Variants in SETBP1 observed in about 807,000 individuals in gnomAD.
SETBP1 encodes the protein SET-binding protein.
In SETBP1, 9 loss-of-function variants were observed where a neutral mutation model predicts 101.0. The observed-to-expected ratio is 0.09, with a 90% CI of 0.05 to 0.16. SETBP1 has a LOEUF of 0.16. Among genes scored for constraint, SETBP1 ranks in the 10% least tolerant of loss-of-function variants. SETBP1 has a pLI of 1.00. For missense variants in SETBP1, 1,858 were observed against 2,033.8 expected (o/e 0.91, Z 1.66); for synonymous variants, 818 against 788.5 (o/e 1.04, Z -0.63).
intron 3 of SETBP1, among the ~76,000 whole-genome samples, chr18:44,875,049 G>T (rs1406598308): frequency 6.6e-6 from 1 of 152,190 alleles, no homozygotes; most frequent in Non-Finnish European, 1.5e-5. Context: ...GAAATGGAAG[G>T]CAACTGGGGG....
chr18:44,851,090 T>G (rs545555247), intron 2 of SETBP1, among the ~76,000 whole-genome samples: 1 of 152,216 alleles, frequency 6.6e-6, no homozygotes. Flanking sequence ...GTCTGGCTGA[T>G]GAAGCGGGGC....
intron 2 of SETBP1, among the ~76,000 whole-genome samples, chr18:44,826,655 G>A (rs1348400669): frequency 6.6e-6 from 1 of 152,142 alleles, no homozygotes. Flanking sequence ...TGTTGTCGTT[G>A]TTGAAGGGAG....
intron 2 of SETBP1, among the ~76,000 whole-genome samples, chr18:44,730,851 A>G (rs2144396129): frequency 6.6e-6 from 1 of 152,310 alleles, no homozygotes; most frequent in East Asian, 1.9e-4. Context: ...TGTGTAACAA[A>G]CTACCCCAAA....
rs184620670 is a variant in SETBP1 at position 44,897,909 on chromosome 18, C to G, written c.540+28626C>G. ...CTTCTGGGAGTGTTGAGTTGGTAAA[C>G]CTTGGTTACTGAAGTATTGAGACTT... On this transcript the variant is annotated intron_variant, in intron 3 of 5. Transcript: ENST00000649279. Among the ~76,000 whole-genome samples, 48 of 152,192 alleles carry G rather than the reference C, an allele frequency of 3.2e-4. No individual in the cohort carries two copies. In the East Asian group the frequency reaches 8.7e-3, roughly 28 times the overall value.
intron 5 of SETBP1, among the ~76,000 whole-genome samples, chr18:45,051,572 C>G (rs890692092): frequency 2.6e-5 from 4 of 152,068 alleles, no homozygotes; most frequent in African/African-American, 9.7e-5. Context: ...TCTAAAACTG[C>G]TCTAAAAAAG....
At chr18:44,885,480 T>C (rs2069620860) in intron 3 of SETBP1, among the ~76,000 whole-genome samples, 1 of 152,122 alleles carries the variant, frequency 6.6e-6, no homozygotes, top group Non-Finnish European at 1.5e-5. Flanking sequence ...GGAAGCACAC[T>C]GTACCGCAAT....
chr18:44,903,251 G>A (rs2070095417), intron 3 of SETBP1, among the ~76,000 whole-genome samples: 1 of 152,068 alleles, frequency 6.6e-6, no homozygotes, highest in South Asian at 2.1e-4. Flanking sequence ...ATAAAATAAA[G>A]CTCTTTTTCC....
chr18:44,941,636 T>A (rs2071090465), intron 3 of SETBP1, among the ~76,000 whole-genome samples: 1 of 152,124 alleles, frequency 6.6e-6, no homozygotes, highest in Non-Finnish European at 1.5e-5. Flanking sequence ...TTTCCATTAT[T>A]ATAATTAATT....
At chr18:44,818,729 T>G (rs1319537570) in intron 2 of SETBP1, among the ~76,000 whole-genome samples, 1 of 145,070 alleles carries the variant, frequency 6.9e-6, no homozygotes, top group Non-Finnish European at 1.5e-5. Context: ...TTTCTTTTTA[T>G]GAAAAGAAAA....
At chr18:44,723,935 GCTGC>G (rs1207891547) in intron 2 of SETBP1, among the ~76,000 whole-genome samples, 2 of 152,204 alleles carry the variant, frequency 1.3e-5, no homozygotes, top group East Asian at 3.8e-4. Flanking sequence ...CCTGCATAAT[GCTGC>G]CTGGGACCTG....
At chr18:45,042,146 CTTT>C (rs556269689) in intron 5 of SETBP1, among the ~76,000 whole-genome samples, 117 of 82,688 alleles carry the variant, frequency 1.4e-3, no homozygotes, top group South Asian at 2.4e-3. Context: ...CTTGAAACTG[CTTT>C]TTTTTTTTTT....
chr18:44,736,972 C>CT (rs1294245385), intron 2 of SETBP1, among the ~76,000 whole-genome samples: 1 of 152,228 alleles, frequency 6.6e-6, no homozygotes, highest in Non-Finnish European at 1.5e-5. Context: ...TTCTTTCAGT[C>CT]TTTTTTCCTC....
intron 4 of SETBP1, among the ~76,000 whole-genome samples, chr18:45,007,013 T>C (rs1278372263): frequency 6.6e-6 from 1 of 152,126 alleles, no homozygotes; most frequent in African/African-American, 2.4e-5. Flanking sequence ...TTGCGAGAGA[T>C]TATCATTTAA....
chr18:44,819,139 A>C (rs889837296), intron 2 of SETBP1, among the ~76,000 whole-genome samples: 1 of 139,856 alleles, frequency 7.2e-6, no homozygotes, highest in Non-Finnish European at 1.6e-5. Context: ...GTGGGAGTAG[A>C]CTTCCCTTTT....
At chr18:44,889,121 G>T (rs895005680) in intron 3 of SETBP1, among the ~76,000 whole-genome samples, 2 of 151,906 alleles carry the variant, frequency 1.3e-5, no homozygotes, top group Admixed American at 1.3e-4. Context: ...TCCCCTCCAT[G>T]GTTTCTTTTT....
intron 2 of SETBP1, among the ~76,000 whole-genome samples, chr18:44,743,798 C>T (rs2070154127): frequency 6.6e-6 from 1 of 152,194 alleles, no homozygotes. Flanking sequence ...CATAGCCACA[C>T]CTCACCCTGC....
chr18:44,755,493 T>C (rs546674442), intron 2 of SETBP1, among the ~76,000 whole-genome samples: 1 of 152,134 alleles, frequency 6.6e-6, no homozygotes, highest in East Asian at 1.9e-4. Context: ...TTTTTTTTTT[T>C]CTTCCTCCTG....
chr18:44,728,220 A>T (rs577719479), intron 2 of SETBP1, among the ~76,000 whole-genome samples: 2 of 152,314 alleles, frequency 1.3e-5, no homozygotes, highest in Admixed American at 1.3e-4. Flanking sequence ...TATTCCAGAG[A>T]GCAGGACAAT....
At chr18:44,847,857 A>G (rs146143495) in intron 2 of SETBP1, among the ~76,000 whole-genome samples, 18 of 152,324 alleles carry the variant, frequency 1.2e-4, no homozygotes, top group African/African-American at 3.8e-4. Flanking sequence ...CTAGCCAGGA[A>G]AGGCCTTTCT....
Sources: allele counts gnomAD v4.1 joint callset (sites outside exome capture counted in the v4.1 genomes callset), GRCh38; gene constraint gnomAD v4.1.1; transcripts MANE v1.5; gene names NCBI Gene and HGNC (gene_info 2026-07-23, HGNC 2026-07-21).